The following PCDH15 variants were observed in gnomAD, a reference collection of about 807,000 sequenced individuals.
PCDH15 encodes protocadherin related 15.
PCDH15 carries 129 observed loss-of-function variants against 178.5 expected under a neutral mutation model. The observed-to-expected ratio is 0.72, with a 90% CI of 0.63 to 0.84. The LOEUF is 0.84. PCDH15 is among the 40% of genes least tolerant of loss of function. PCDH15 has a pLI of 0.00. For synonymous variants in PCDH15, 800 were observed against 732.0 expected, an observed-to-expected ratio of 1.09 and a Z score of -1.50; for missense variants, 2,230 against 2,099.9, an observed-to-expected ratio of 1.06 and a Z score of -1.21.
chr10:55,392,979 ATGTGTG>A (rs10546546), intron 2 of PCDH15, among the ~76,000 whole-genome samples: 2,212 of 144,122 alleles, frequency 0.015, 14 homozygotes, highest in African/African-American at 0.027. Flanking sequence ...ACTAAAGTGT[ATGTGTG>A]TGTGTGTGTG....
At chr10:55,490,592 A>G (rs1840389673) in intron 2 of PCDH15, among the ~76,000 whole-genome samples, 1 of 151,780 alleles carries the variant, frequency 6.6e-6, no homozygotes, top group Non-Finnish European at 1.5e-5. Context: ...CCTAGAGTAA[A>G]GGCTACTCTA....
chr10:54,525,744 C>A (rs2083302385), intron 3 of PCDH15, among the ~76,000 whole-genome samples: 1 of 152,210 alleles, frequency 6.6e-6, no homozygotes, highest in Non-Finnish European at 1.5e-5. Flanking sequence ...CAGGCATGAG[C>A]CACCCAACAT....
At chr10:55,497,396 T>C (rs771624684) in intron 2 of PCDH15, among the ~76,000 whole-genome samples, 3 of 151,632 alleles carry the variant, frequency 2.0e-5, no homozygotes, top group African/African-American at 4.8e-5. Flanking sequence ...TCACAAAGTG[T>C]TAGGATTACA....
rs564722592 is a variant in PCDH15, at chr10:55,213,873, T to C, written c.-155-47222A>G. Reference sequence around the variant, plus strand: ...CCTTTATAATTTGATTAGCTTTCTATTTAATTCTTAATTTTCAGCATTTTT... The same window carrying C: ...CCTTTATAATTTGATTAGCTTTCTACTTAATTCTTAATTTTCAGCATTTTT... On this transcript the variant is annotated intron_variant, in intron 1 of 5. Transcript: ENST00000458638. Among the ~76,000 whole-genome samples, 9 of 151,984 alleles carry C rather than the reference T, an allele frequency of 5.9e-5. No homozygotes were observed. The South Asian group carries it at 6.2e-4, about 10-fold the overall frequency.
chr10:55,027,052 A>G (rs1176383390), intron 2 of PCDH15, among the ~76,000 whole-genome samples: 13 of 151,978 alleles, frequency 8.6e-5, no homozygotes, highest in Admixed American at 8.5e-4. Context: ...GGAGTATGTG[A>G]AAGTTGAGTC....
rs898367785 is a variant in PCDH15, at chr10:54,170,406, T to C, written c.1590+13038A>G. On this transcript the variant is annotated intron_variant, in intron 13 of 37. Coordinates refer to ENST00000644397, the MANE Select transcript of PCDH15 (RefSeq NM_001384140.1). The stretch of plus-strand genomic sequence containing the variant: ...GTCTAGCCCTCATGTCTGCGTGCAG[T>C]GGCTGCCACTGCATTAATACTTTTA... 1.3e-3 allele frequency among the ~76,000 whole-genome samples: 193 copies of C among 151,282 alleles called. 2 individuals are homozygous for C. The highest frequency in any genetic ancestry group is 4.1e-3 in the African/African-American group (165 of 40,592).
rs575734946 is a variant in PCDH15, at chr10:54,477,155, C to G, written c.157+50657G>C. Among the ~76,000 whole-genome samples, 21 of 152,202 alleles carry G rather than the reference C, an allele frequency of 1.4e-4. No homozygotes were observed. The South Asian group carries it at 4.4e-3, about 32-fold the overall frequency. On this transcript the variant is annotated intron_variant, in intron 3 of 37. Transcript: ENST00000644397. ...ATGGTTCAGCTGTAACTTACTCCAG[C>G]CTTATCTCTCAGAACTCATGACTTA...
rs139612050 is a variant in PCDH15 at position 54,796,133 on chromosome 10, G to C, written c.-29+4792C>G. 1.4e-3 allele frequency among the ~76,000 whole-genome samples: 220 copies of C among 151,792 alleles called. 3 individuals are homozygous for C. The highest frequency in any genetic ancestry group is 0.012 in the Admixed American group (180 of 15,194). The stretch of plus-strand genomic sequence containing the variant: ...ATAGCAACAGTTATTGAAACTTGAA[G>C]ACCCATCTCACAGCCTCTCTCTTAC... On this transcript the variant is annotated intron_variant, in intron 1 of 37. Transcript: ENST00000644397.
chr10:53,988,961 T>C (rs1053501261), intron 21 of PCDH15, among the ~76,000 whole-genome samples: 1 of 152,170 alleles, frequency 6.6e-6, no homozygotes, highest in South Asian at 2.1e-4. Context: ...CGGAGAGACT[T>C]TGGCACTGTC....
intron 2 of PCDH15, among the ~76,000 whole-genome samples, chr10:54,566,016 G>T (rs914926059): frequency 6.6e-6 from 1 of 152,140 alleles, no homozygotes; most frequent in African/African-American, 2.4e-5. Flanking sequence ...ACTGGGAAGC[G>T]GAGTTTGCAG....
intron 8 of PCDH15, among the ~76,000 whole-genome samples, chr10:54,280,513 T>C (rs1564852813): frequency 6.6e-6 from 1 of 151,774 alleles, no homozygotes; most frequent in Non-Finnish European, 1.5e-5. Flanking sequence ...TTAGAATAAA[T>C]GGTGTAAGAG....
chr10:54,369,986 T>G (rs1009581328), intron 4 of PCDH15, among the ~76,000 whole-genome samples: 1 of 152,020 alleles, frequency 6.6e-6, no homozygotes, highest in Non-Finnish European at 1.5e-5. Context: ...AGTAATAATT[T>G]AAAATGAACT....
chr10:54,041,718 A>G (rs1425194042), intron 18 of PCDH15, among the ~76,000 whole-genome samples: 27 of 152,090 alleles, frequency 1.8e-4, no homozygotes, highest in Admixed American at 1.7e-3. Context: ...GCACATAAAT[A>G]TAGGTACTTA....
chr10:54,367,557 C>T (rs1454754939), intron 5 of PCDH15, among the ~76,000 whole-genome samples: 1 of 151,866 alleles, frequency 6.6e-6, no homozygotes, highest in East Asian at 1.9e-4. Flanking sequence ...CTAACAAGAA[C>T]AGAAAACCAA....
chr10:55,594,821 AGT>A (rs1225210888), intron 2 of PCDH15, among the ~76,000 whole-genome samples: 1 of 152,086 alleles, frequency 6.6e-6, no homozygotes, highest in Non-Finnish European at 1.5e-5. Context: ...ACACTCTACC[AGT>A]GTCACTGGAC....
intron 2 of PCDH15, among the ~76,000 whole-genome samples, chr10:55,585,550 G>A (rs1417283658): frequency 2.0e-5 from 3 of 152,014 alleles, no homozygotes; most frequent in South Asian, 2.1e-4. Flanking sequence ...GGTGGCGGGC[G>A]CCTGTAGTCC....
intron 25 of PCDH15, among the ~76,000 whole-genome samples, chr10:53,925,342 G>A (rs966301596): frequency 2.0e-5 from 3 of 152,074 alleles, no homozygotes; most frequent in Non-Finnish European, 2.9e-5. Flanking sequence ...AACGCTTACC[G>A]CGAAGGTCTG....
At chr10:54,020,660 CAG>C (rs57852524) in intron 19 of PCDH15, among the ~76,000 whole-genome samples, 139 of 148,106 alleles carry the variant, frequency 9.4e-4, no homozygotes, top group Non-Finnish European at 1.1e-3. Flanking sequence ...GAGGGAGAGT[CAG>C]AGAGAGAGAG....
intron 2 of PCDH15, among the ~76,000 whole-genome samples, chr10:55,490,150 A>G (rs758261837): frequency 4.0e-5 from 6 of 151,746 alleles, no homozygotes; most frequent in Non-Finnish European, 8.8e-5. Flanking sequence ...TGTTCTATAT[A>G]ATCCTAGTTT....
Sources: allele counts gnomAD v4.1 joint callset (sites outside exome capture counted in the v4.1 genomes callset), GRCh38; gene constraint gnomAD v4.1.1; transcripts MANE v1.5; gene names NCBI Gene and HGNC (gene_info 2026-07-23, HGNC 2026-07-21).